Variants in RREB1 observed in about 807,000 individuals in gnomAD.
RREB1 encodes ras-responsive element-binding protein 1.
In RREB1, 27 loss-of-function variants were observed where a neutral mutation model predicts 117.8. The observed-to-expected ratio is 0.23, with a 90% CI of 0.17 to 0.32. The LOEUF (loss-of-function observed/expected upper bound fraction) is 0.32. Among genes scored for constraint, RREB1 ranks in the 10% least tolerant of loss-of-function variants. The probability of loss-of-function intolerance (pLI) is 1.00; values close to 1 mark genes in which losing one functional copy is unlikely to be tolerated. For missense variants in RREB1, 2,577 were observed against 2,378.2 expected (o/e 1.08, Z -1.74); for synonymous variants, 1,298 against 1,026.7 (o/e 1.26, Z -5.05).
At chr6:7,222,403 A>G (rs1767318145) in intron 8 of RREB1, among the ~76,000 whole-genome samples, 7 of 152,156 alleles carry the variant, frequency 4.6e-5, no homozygotes, top group Admixed American at 4.6e-4. Flanking sequence ...AAGTTGTCCA[A>G]GGTCACGCAA....
At chr6:7,146,043 C>T (rs1762839558) in intron 1 of RREB1, among the ~76,000 whole-genome samples, 2 of 151,908 alleles carry the variant, frequency 1.3e-5, no homozygotes, top group South Asian at 2.1e-4. Flanking sequence ...CTCTGCGCAC[C>T]GTCTCCCCAC....
At chr6:7,175,777 T>A (rs183697341) in intron 1 of RREB1, among the ~76,000 whole-genome samples, 2 of 152,328 alleles carry the variant, frequency 1.3e-5, no homozygotes, top group African/African-American at 4.8e-5. Context: ...TAATTTGAGA[T>A]GTTTTCTGCA....
At chr6:7,147,508 A>AT (rs1224779225) in intron 1 of RREB1, among the ~76,000 whole-genome samples, 3 of 152,196 alleles carry the variant, frequency 2.0e-5, no homozygotes, top group African/African-American at 4.8e-5. Flanking sequence ...GATATTACCT[A>AT]AAGGGACAAG....
At chr6:7,138,581 A>G (rs1762437985) in intron 1 of RREB1, among the ~76,000 whole-genome samples, 1 of 152,208 alleles carries the variant, frequency 6.6e-6, no homozygotes, top group African/African-American at 2.4e-5. Flanking sequence ...AAGCTCTTAT[A>G]GATTTATGTA....
intron 1 of RREB1, among the ~76,000 whole-genome samples, chr6:7,175,372 TG>T (rs1170466433): frequency 1.2e-3 from 82 of 68,736 alleles, no homozygotes; most frequent in African/African-American, 3.9e-3. Flanking sequence ...TGGGGTGGGA[TG>T]GGGGGGGTAT....
At position 7,188,274 on chromosome 6, in the gene RREB1, G is replaced by A. The variant is rs573027846; in HGVS notation, c.261+751G>A. On this transcript the variant is annotated intron_variant, in intron 5 of 12. Coordinates refer to ENST00000379938, the MANE Select transcript of RREB1 (RefSeq NM_001003699.4). The stretch of plus-strand genomic sequence containing the variant: ...GTGTGCGCGCGCGCACGTGTGTGAC[G>A]GAGTCTCGTTCTGTCGCCCAGGCTG... 7.5e-5 allele frequency among the ~76,000 whole-genome samples: 11 copies of A among 147,586 alleles called. No homozygotes were observed. The East Asian group carries it at 1.2e-3, about 16-fold the overall frequency.
rs767737169 is a variant in RREB1, at chr6:7,229,181, A to G, written c.1082A>G (p.Lys361Arg). ...TPLPGDALDQ[K>R]GFLALLGLQH... ...CTGCCTGGTGACGCCCTGGACCAGA[A>G]GGGCTTCCTGGCCTTGCTTGGCCTG... The change falls in exon 10 of 13, where the codon AAG (lysine) becomes AGG (arginine). Residue 361 changes from lysine to arginine, a missense_variant. Physicochemically the swap from Lys to Arg is conservative, Grantham distance 26 (BLOSUM62 2). Transcript: ENST00000379938. This position sits in a 1 kb window ranked among gnomAD's most constrained non-coding sequence, Gnocchi z 4.5. 1 of 1,610,686 alleles carries G rather than the reference A, an allele frequency of 6.2e-7. No individual in the cohort carries two copies. The highest frequency in any genetic ancestry group is 2.2e-5 in the East Asian group (1 of 44,778).
chr6:7,131,490 C>G (rs1762155299), intron 1 of RREB1, among the ~76,000 whole-genome samples: 1 of 152,158 alleles, frequency 6.6e-6, no homozygotes, highest in Admixed American at 6.5e-5. Context: ...ACTGTTATTT[C>G]TGTTTACAGA....
chr6:7,236,370 A>C, intron 10 of RREB1, among the ~76,000 whole-genome samples: 3 of 151,204 alleles, frequency 2.0e-5, no homozygotes, highest in Non-Finnish European at 2.9e-5. Flanking sequence ...TTCCCCCCAC[A>C]CCCTTTCCTC....
chr6:7,227,521 A>G (rs931583504), intron 9 of RREB1, among the ~76,000 whole-genome samples: 1 of 151,702 alleles, frequency 6.6e-6, no homozygotes, highest in Non-Finnish European at 1.5e-5. Context: ...AGCCTGGGCA[A>G]CAGAGCGAGA....
At chr6:7,146,587 CTGATA>C (rs1762873305) in intron 1 of RREB1, among the ~76,000 whole-genome samples, 2 of 152,236 alleles carry the variant, frequency 1.3e-5, no homozygotes, top group East Asian at 1.9e-4. Flanking sequence ...CAGTTTGGGT[CTGATA>C]TAAGTTCTGC....
At chr6:7,203,612 A>G (rs1766109870) in intron 6 of RREB1, among the ~76,000 whole-genome samples, 2 of 152,190 alleles carry the variant, frequency 1.3e-5, no homozygotes, top group South Asian at 4.1e-4. Flanking sequence ...AGAGTCCACC[A>G]AAGCGTTTGC....
At chr6:7,119,108 G>A (rs1010698593) in intron 1 of RREB1, among the ~76,000 whole-genome samples, 1 of 152,012 alleles carries the variant, frequency 6.6e-6, no homozygotes, top group Non-Finnish European at 1.5e-5. Context: ...CAAAAGAAAT[G>A]GCAGGCGTGG....
intron 1 of RREB1, among the ~76,000 whole-genome samples, chr6:7,147,762 T>G (rs939322150): frequency 6.6e-6 from 1 of 152,172 alleles, no homozygotes; most frequent in Non-Finnish European, 1.5e-5. Context: ...ATCTTTCTTA[T>G]AACTTCATTC....
intron 6 of RREB1, among the ~76,000 whole-genome samples, chr6:7,190,282 T>C (rs1249064803): frequency 7.0e-6 from 1 of 143,306 alleles, no homozygotes; most frequent in African/African-American, 3.0e-5. Context: ...TAAAATGAGA[T>C]TTTTTTTGTT....
chr6:7,145,401 C>G (rs933442360), intron 1 of RREB1, among the ~76,000 whole-genome samples: 1 of 152,148 alleles, frequency 6.6e-6, no homozygotes, highest in Non-Finnish European at 1.5e-5. Flanking sequence ...GAATTTTCAC[C>G]AGGTAGAAAC....
chr6:7,227,876 GCCAACACAGT>G (rs1767678971), intron 9 of RREB1, among the ~76,000 whole-genome samples: 1 of 152,136 alleles, frequency 6.6e-6, no homozygotes, highest in African/African-American at 2.4e-5. Flanking sequence ...GACCAGCCTG[GCCAACACAGT>G]GAAACCCCGT....
At position 7,230,937 on chromosome 6, in the gene RREB1, G is replaced by A. The variant is rs576621209; in HGVS notation, c.2838G>A (p.Gly946=). The A allele has an allele frequency of 1.1e-5, 17 of 1,614,002 alleles. No homozygotes were observed. In the South Asian group the frequency reaches 1.8e-4, roughly 17 times the overall value. Residue 946 remains glycine, a synonymous_variant, in exon 10 of 13, where the codon GGG becomes GGA. Coordinates refer to ENST00000379938, the MANE Select transcript of RREB1 (RefSeq NM_001003699.4). The stretch of plus-strand genomic sequence containing the variant: ...CCATCCCCAAGAACTTCAGGAAAGG[G>A]GACAAGGATTTGGCCACTCCCAGCG... The part of the protein sequence containing the change: ...DLSIPKNFRK[G]DKDLATPSEA...
intron 1 of RREB1, among the ~76,000 whole-genome samples, chr6:7,126,051 G>C (rs1761895032): frequency 1.3e-5 from 2 of 152,174 alleles, no homozygotes; most frequent in African/African-American, 2.4e-5. Context: ...GCCCAAGCTG[G>C]AGTGCAGTGG....
Sources: gnomAD v4.1 joint callset for allele counts (sites outside exome capture counted in the v4.1 genomes callset) on GRCh38, gnomAD v4.1.1 for gene constraint, Gnocchi (gnomAD v3.1) non-coding constraint, MANE v1.5 for transcripts, NCBI Gene and HGNC (gene_info 2026-07-23, HGNC 2026-07-21) for gene names.